Variants in PLXDC2 observed in about 807,000 individuals in gnomAD.
PLXDC2 encodes the protein plexin domain containing 2.
Under a neutral mutation model 68.9 loss-of-function variants are expected in PLXDC2, and 40 were observed. That is an observed-to-expected ratio of 0.58 (90% CI 0.45 to 0.76). The LOEUF is 0.76. Among genes scored for constraint, PLXDC2 ranks in the 30% least tolerant of loss-of-function variants. The probability of loss-of-function intolerance (pLI) is 0.00; values close to 1 mark genes in which losing one functional copy is unlikely to be tolerated. For missense variants in PLXDC2, 644 were observed against 661.9 expected (o/e 0.97, Z 0.30); for synonymous variants, 243 against 234.2 (o/e 1.04, Z -0.34).
intron 12 of PLXDC2, among the ~76,000 whole-genome samples, chr10:20,219,326 T>TAA (rs1242574102): frequency 6.6e-6 from 1 of 152,174 alleles, no homozygotes; most frequent in Non-Finnish European, 1.5e-5. Flanking sequence ...TTCCCAATGA[T>TAA]AAAGTGGAAA....
At chr10:20,270,937 T>G (rs1588554366) in intron 13 of PLXDC2, among the ~76,000 whole-genome samples, 1 of 62,092 alleles carries the variant, frequency 1.6e-5, no homozygotes, top group African/African-American at 5.9e-5. Flanking sequence ...AGAAATTGGG[T>G]ATCTTAAAAA....
intron 1 of PLXDC2, among the ~76,000 whole-genome samples, chr10:19,837,447 T>A (rs1392864247): frequency 7.3e-6 from 1 of 137,504 alleles, no homozygotes; most frequent in African/African-American, 3.0e-5. Context: ...TGTGTGTGTA[T>A]GTGTGTGTTG....
At chr10:19,924,034 C>T (rs577787388) in intron 1 of PLXDC2, among the ~76,000 whole-genome samples, 16 of 152,296 alleles carry the variant, frequency 1.1e-4, no homozygotes, top group African/African-American at 3.8e-4. Flanking sequence ...CCAGCTTGGG[C>T]AGCAGAATGA....
At chr10:19,839,292 G>A (rs1836860319) in intron 1 of PLXDC2, among the ~76,000 whole-genome samples, 1 of 152,098 alleles carries the variant, frequency 6.6e-6, no homozygotes, top group East Asian at 1.9e-4. Flanking sequence ...CCCTGGGCAT[G>A]TGGCCCAGGA....
chr10:20,136,534 A>G (rs1347215858), intron 4 of PLXDC2, among the ~76,000 whole-genome samples: 1 of 152,194 alleles, frequency 6.6e-6, no homozygotes, highest in African/African-American at 2.4e-5. Context: ...AAATAATTCA[A>G]TTCTTCATGA....
At chr10:20,082,838 T>C (rs947086417) in intron 4 of PLXDC2, among the ~76,000 whole-genome samples, 1 of 152,040 alleles carries the variant, frequency 6.6e-6, no homozygotes, top group Non-Finnish European at 1.5e-5. Context: ...ACCCATAGAG[T>C]AGAATACTAT....
intron 1 of PLXDC2, among the ~76,000 whole-genome samples, chr10:19,933,794 G>A (rs1449083292): frequency 1.3e-5 from 2 of 148,842 alleles, no homozygotes; most frequent in East Asian, 4.0e-4. Context: ...CGGGGAGAGG[G>A]AGGGCAGGAG....
Position 20,252,424 on chromosome 10 carries a change from ACTT to A in PLXDC2, c.1473+6923_1473+6925del, listed in dbSNP as rs539803212. Reference sequence around the variant, plus strand: ...ATTACAATTAATTTTATTCATGTTTACTTCTTAAATGGACACTAGACACTTTTA... The same window carrying A: ...ATTACAATTAATTTTATTCATGTTTACTTAAATGGACACTAGACACTTTTA... On this transcript the variant is annotated intron_variant, in intron 13 of 13. Coordinates refer to ENST00000377252, the MANE Select transcript of PLXDC2 (RefSeq NM_032812.9). Among the ~76,000 whole-genome samples the A allele has an allele frequency of 1.1e-3, 171 of 152,324 alleles. 1 individual carries two copies. The highest frequency in any genetic ancestry group is 4.0e-3 in the African/African-American group (166 of 41,576).
At chr10:19,986,654 A>G (rs1213457674) in intron 1 of PLXDC2, among the ~76,000 whole-genome samples, 1 of 152,190 alleles carries the variant, frequency 6.6e-6, no homozygotes. Context: ...TTCACTCCAG[A>G]GCAGTGTTTT....
chr10:20,238,662 A>AAAAAAATATATATATAT (rs1175526348), intron 12 of PLXDC2, among the ~76,000 whole-genome samples: 1 of 31,726 alleles, frequency 3.2e-5, no homozygotes, highest in African/African-American at 1.0e-4. Context: ...TCTCAAAAAA[A>AAAAAAATATATATATAT]ATATATATAT....
intron 1 of PLXDC2, among the ~76,000 whole-genome samples, chr10:19,992,888 A>G (rs181703860): frequency 4.0e-4 from 60 of 151,560 alleles, no homozygotes; most frequent in African/African-American, 1.4e-3. Flanking sequence ...TTCTCCTTTG[A>G]TTGTTTTCTT....
At chr10:20,113,267 T>C (rs1452277244) in intron 4 of PLXDC2, among the ~76,000 whole-genome samples, 1 of 152,232 alleles carries the variant, frequency 6.6e-6, no homozygotes, top group African/African-American at 2.4e-5. Context: ...TGGGTTAGCT[T>C]TCTTAGCTTG....
At chr10:19,968,103 A>G (rs1834294393) in intron 1 of PLXDC2, among the ~76,000 whole-genome samples, 1 of 152,216 alleles carries the variant, frequency 6.6e-6, no homozygotes, top group African/African-American at 2.4e-5. Flanking sequence ...AACAATCAGT[A>G]AGTTGAAGTT....
At chr10:20,274,104 GGAAA>G (rs1318729049) in intron 13 of PLXDC2, among the ~76,000 whole-genome samples, 1 of 151,150 alleles carries the variant, frequency 6.6e-6, no homozygotes, top group Non-Finnish European at 1.5e-5. Flanking sequence ...AGGAAAGGAA[GGAAA>G]GAAAGAAGGA....
At chr10:20,055,372 C>A (rs990648215) in intron 3 of PLXDC2, among the ~76,000 whole-genome samples, 1 of 151,940 alleles carries the variant, frequency 6.6e-6, no homozygotes, top group Non-Finnish European at 1.5e-5. Flanking sequence ...CTGTTTATGG[C>A]GACTTTAGTA....
intron 1 of PLXDC2, among the ~76,000 whole-genome samples, chr10:19,902,671 T>C (rs1180529458): frequency 6.6e-6 from 1 of 152,176 alleles, no homozygotes; most frequent in Admixed American, 6.5e-5. Flanking sequence ...ATGCCCTTGA[T>C]TTCTTTCTCT....
In PLXDC2 at chr10:19,851,693, G is replaced by A. The variant is rs535724199; in HGVS notation, c.112+34502G>A. On this transcript the variant is annotated intron_variant, in intron 1 of 13. Coordinates refer to ENST00000377252, the MANE Select transcript of PLXDC2 (RefSeq NM_032812.9). ...CCCCAGTAGCTGGAATTACAGGCAT[G>A]CACCACCATACCCAGCTAATTTTTT... Among the ~76,000 whole-genome samples the A allele has an allele frequency of 1.8e-3, 270 of 152,220 alleles. 2 individuals are homozygous for A. The highest frequency in any genetic ancestry group is 3.4e-3 in the Non-Finnish European group (232 of 68,002).
At chr10:20,234,474 G>A (rs546378369) in intron 12 of PLXDC2, among the ~76,000 whole-genome samples, 9 of 152,100 alleles carry the variant, frequency 5.9e-5, no homozygotes, top group Non-Finnish European at 1.3e-4. Context: ...CATTGTTTGA[G>A]CCATATTTTG....
chr10:19,941,308 C>T (rs60658922), intron 1 of PLXDC2, among the ~76,000 whole-genome samples: 1,576 of 152,266 alleles, frequency 0.01, 30 homozygotes, highest in African/African-American at 0.036. Flanking sequence ...TGAACCAAGA[C>T]GGGCCAATCA....
Sources: allele counts gnomAD v4.1 joint callset (sites outside exome capture counted in the v4.1 genomes callset), GRCh38; gene constraint gnomAD v4.1.1; transcripts MANE v1.5; gene names NCBI Gene and HGNC (gene_info 2026-07-23, HGNC 2026-07-21).